DDX43: variants seen among roughly 807,000 people sequenced by gnomAD.
The protein encoded by DDX43 is DEAD-box helicase 43.
In DDX43, 50 loss-of-function variants were observed where a neutral mutation model predicts 84.9. That is an observed-to-expected ratio of 0.59 (90% CI 0.47 to 0.75). DDX43 has a LOEUF of 0.75. Among genes scored for constraint, DDX43 ranks in the 30% least tolerant of loss-of-function variants. The pLI, the probability that DDX43 is intolerant of heterozygous loss-of-function variation, is 0.00. For missense variants in DDX43, 689 were observed against 798.6 expected, an observed-to-expected ratio of 0.86 and a Z score of 1.65; for synonymous variants, 291 against 266.3, an observed-to-expected ratio of 1.09 and a Z score of -0.90.
chr6:73,411,038 T>C (rs2150798915), intron 10 of DDX43, among the ~76,000 whole-genome samples: 1 of 151,104 alleles, frequency 6.6e-6, no homozygotes, highest in East Asian at 2.0e-4. Context: ...TACCCGGGAG[T>C]GGTGGCGGGC....
chr6:73,409,427 T>C, intron 10 of DDX43, 79 bp downstream of exon 10: 1 of 1,132,250 alleles, frequency 8.8e-7, no homozygotes, highest in Non-Finnish European at 1.3e-6. Context: ...TTTCCCACAA[T>C]ATTTGAGCAT....
At chr6:73,402,788 A>G (rs546272779) in intron 4 of DDX43, among the ~76,000 whole-genome samples, 1 of 152,244 alleles carries the variant, frequency 6.6e-6, no homozygotes, top group South Asian at 2.1e-4. Flanking sequence ...CATGTTGGCC[A>G]GGCTGGTCTC....
chr6:73,415,577 C>G lies in DDX43; in HGVS notation c.1826C>G (p.Ala609Gly). Reference protein sequence around the residue: ...ASELINILERANQSIPEELVS... With the variant: ...ASELINILERGNQSIPEELVS... ...GAATTGATTAATATTCTGGAAAGAG[C>G]AAATCAGGTGAGACTATGCAATTCA... Residue 609 changes from alanine to glycine, a missense_variant, in exon 15 of 17, where the codon GCA becomes GGA. By Grantham distance (60) the Ala-to-Gly change is moderately conservative. This residue lies in a region of DDX43 where 552 missense variants were observed against 692.7 expected (regional missense o/e 0.80). Transcript: ENST00000370336. The G allele has an allele frequency of 1.9e-6, 3 of 1,607,744 alleles. No individual in the cohort carries two copies. The highest frequency in any genetic ancestry group is 2.6e-6 in the Non-Finnish European group (3 of 1,174,996).
intron 9 of DDX43, among the ~76,000 whole-genome samples, chr6:73,408,310 C>T (rs1371816055): frequency 6.6e-6 from 1 of 151,896 alleles, no homozygotes; most frequent in East Asian, 2.0e-4. Flanking sequence ...TGGCATGCAC[C>T]TGTAATCCCA....
At chr6:73,409,117 A>G in intron 9 of DDX43, 131 bp from the exon 10 acceptor site, 2 of 697,558 alleles carry the variant, frequency 2.9e-6, no homozygotes, top group Non-Finnish European at 5.0e-6. Flanking sequence ...CTCTGGAGAA[A>G]TTAGAATCGT....
At chr6:73,402,315 A>C (rs1769593296) in intron 4 of DDX43, among the ~76,000 whole-genome samples, 1 of 152,224 alleles carries the variant, frequency 6.6e-6, no homozygotes, top group Non-Finnish European at 1.5e-5. Flanking sequence ...GCTGTGATTG[A>C]GTAAAAATAG....
At chr6:73,414,493 T>A in intron 13 of DDX43, 55 bp from the exon 14 acceptor site, 1 of 1,406,084 alleles carries the variant, frequency 7.1e-7, no homozygotes, top group Non-Finnish European at 9.7e-7. Flanking sequence ...TATTTTTAGA[T>A]CTTGGGTTGG....
At position 73,414,648 on chromosome 6, in the gene DDX43, A is replaced by C; in HGVS notation, c.1707A>C (p.Glu569Asp). Residue 569 changes from glutamate (E) to aspartate (D), a missense_variant, in exon 14 of 17, where the codon GAA becomes GAC. Around this residue, in one of 2 missense-constraint regions of DDX43, gnomAD observed 552 missense variants for 692.7 expected, o/e 0.80. Coordinates refer to ENST00000370336, the MANE Select transcript of DDX43 (RefSeq NM_018665.3). ...VYNFDFPRNIEEYVHRIGRTG... is the reference protein window; with the variant it reads ...VYNFDFPRNIDEYVHRIGRTG... ...ATTTTGACTTTCCACGGAATATTGA[A>C]GAATACGTACACCGAATAGGGCGCA... The C allele has an allele frequency of 1.2e-6, 2 of 1,614,084 alleles. No individual in the cohort carries two copies. Among genetic ancestry groups the C allele is most frequent in the Non-Finnish European group, 1.7e-6 (2 of 1,179,992 alleles).
At chr6:73,401,838 C>G in intron 3 of DDX43, 21 bp from the exon 4 acceptor site, 1 of 1,550,230 alleles carries the variant, frequency 6.5e-7, no homozygotes, top group Non-Finnish European at 8.7e-7. Context: ...AAAAACTAAT[C>G]GATACAAATG....
intron 3 of DDX43, among the ~76,000 whole-genome samples, chr6:73,400,796 T>C (rs578121954): frequency 3.3e-5 from 5 of 152,174 alleles, no homozygotes; most frequent in Admixed American, 6.5e-5. Flanking sequence ...ATTTTAAAAA[T>C]CTCAGATCTG....
At position 73,400,302 on chromosome 6, in the gene DDX43, A is replaced by T; in HGVS notation, c.375A>T (p.Lys125Asn). Residue 125 changes from lysine to asparagine, a missense_variant, in exon 3 of 17, where the codon AAA becomes AAT. Lys to Asn is a moderately conservative substitution (Grantham distance 94, BLOSUM62 0). This residue lies in a region of DDX43 where 552 missense variants were observed against 692.7 expected (regional missense o/e 0.80). Coordinates refer to ENST00000370336, the MANE Select transcript of DDX43 (RefSeq NM_018665.3). ...GCAAGGCAATGCAAACGAAAGCAAA[A>T]GCAGTGATAGACAATTTTGTTAAAA... ...FGSKAMQTKAKAVIDNFVKKL... is the reference protein window; with the variant it reads ...FGSKAMQTKANAVIDNFVKKL... 6.2e-7 allele frequency: 1 copy of T among 1,609,844 alleles called. No homozygotes were observed. Among genetic ancestry groups the T allele is most frequent in the Non-Finnish European group, 8.5e-7 (1 of 1,178,640 alleles).
rs781043774 is a variant in DDX43, at chr6:73,412,519, AGT to A, written c.1368+244_1368+245del. ...TATGTATAGAGAGAGAGAGAGAGAG[AGT>A]GTGTGTGTGTGTGTGTTTGTGTCAG... On this transcript the variant is annotated intron_variant, in intron 11 of 16. Coordinates refer to ENST00000370336, the MANE Select transcript of DDX43 (RefSeq NM_018665.3). Among the ~76,000 whole-genome samples the A allele has an allele frequency of 1.5e-3, 223 of 149,566 alleles. 1 individual carries two copies. The highest frequency in any genetic ancestry group is 3.5e-3 in the Middle Eastern group (1 of 286).
At chr6:73,406,541 A>T in intron 7 of DDX43, 59 bp downstream of exon 7, 2 of 1,095,246 alleles carry the variant, frequency 1.8e-6, no homozygotes, top group Non-Finnish European at 2.7e-6. Context: ...AGATATCAAA[A>T]ATGTAATTAA....
chr6:73,399,941 C>A (rs1769535245), intron 2 of DDX43, among the ~76,000 whole-genome samples: 1 of 152,128 alleles, frequency 6.6e-6, no homozygotes, highest in African/African-American at 2.4e-5. Context: ...AGGTTAGTGC[C>A]TTAATTATTT....
chr6:73,401,656 G>T (rs2150790858), intron 3 of DDX43, among the ~76,000 whole-genome samples: 1 of 152,200 alleles, frequency 6.6e-6, no homozygotes, highest in East Asian at 1.9e-4. Flanking sequence ...ACAAAAATTA[G>T]CTGGGCGTTG....
At chr6:73,402,386 A>G (rs760914935) in intron 4 of DDX43, among the ~76,000 whole-genome samples, 2 of 152,180 alleles carry the variant, frequency 1.3e-5, no homozygotes, top group Non-Finnish European at 2.9e-5. Flanking sequence ...AATCATAAGA[A>G]GCATTACAGT....
At chr6:73,412,876 A>G (rs1329844821) in intron 11 of DDX43, among the ~76,000 whole-genome samples, 2 of 151,954 alleles carry the variant, frequency 1.3e-5, no homozygotes, top group Non-Finnish European at 2.9e-5. Flanking sequence ...GGTTACAAAC[A>G]TGGCTACTAC....
rs1769432812 is a variant in DDX43 at position 73,394,965 on chromosome 6, C to G, written c.60C>G (p.Ser20Arg). The part of the protein sequence containing the change: ...ASTWVVASRR[S>R]STVSRAPERR... ...CGTGGGTCGTTGCTAGTCGGCGAAGCTCGACAGTGTCCCGAGCGCCAGAGA... is the reference window on the plus strand; with the variant it reads ...CGTGGGTCGTTGCTAGTCGGCGAAGGTCGACAGTGTCCCGAGCGCCAGAGA... The change falls in exon 1 of 17, where the codon AGC (serine) becomes AGG (arginine). Residue 20 changes from serine (S) to arginine (R), a missense_variant. By Grantham distance (110) the Ser-to-Arg change is moderately radical. Around this residue, in one of 2 missense-constraint regions of DDX43, gnomAD observed 137 missense variants for 105.9 expected, o/e 1.29. Coordinates refer to ENST00000370336, the MANE Select transcript of DDX43 (RefSeq NM_018665.3). 12 of 1,614,258 alleles carry G rather than the reference C, an allele frequency of 7.4e-6. No individual in the cohort carries two copies. Among genetic ancestry groups the G allele is most frequent in the Non-Finnish European group, 1.0e-5 (12 of 1,180,040 alleles).
chr6:73,412,674 C>CGCGT lies in DDX43; in HGVS notation c.1368+385_1368+386insTGCG, dbSNP rs1330873343. Among the ~76,000 whole-genome samples, 9 of 54,372 alleles carry CGCGT rather than the reference C, an allele frequency of 1.7e-4. No homozygotes were observed. The South Asian group carries it at 4.7e-3, about 28-fold the overall frequency. The allele number at this position is 54,372 out of a possible 152,430, so 35.7% of individuals were successfully genotyped here. A position where few individuals can be genotyped will look rare whatever the true frequency, so the allele number is the denominator to read the frequency against. On this transcript the variant is annotated intron_variant, in intron 11 of 16. Coordinates refer to ENST00000370336, the MANE Select transcript of DDX43 (RefSeq NM_018665.3). ...GTGTGTGTGTGTGTGTGTGTGCGCGCGCGCGTGTGTGTGTGTGCGCGTGCG... is the reference window on the plus strand; with the variant it reads ...GTGTGTGTGTGTGTGTGTGTGCGCGCGCGTGCGCGTGTGTGTGTGTGCGCGTGCG...
Sources: gnomAD v4.1 joint callset for allele counts (sites outside exome capture counted in the v4.1 genomes callset) on GRCh38, gnomAD v4.1.1 for gene constraint, gnomAD v4.1.1 regional missense constraint, MANE v1.5 for transcripts, NCBI Gene and HGNC (gene_info 2026-07-23, HGNC 2026-07-21) for gene names.